EPB41L4B: variants seen among roughly 807,000 people sequenced by gnomAD.
The protein encoded by EPB41L4B is band 4.1-like protein 4B.
A neutral mutation model predicts 112.5 loss-of-function variants in EPB41L4B; 30 were observed. The observed-to-expected ratio is 0.27, with a 90% confidence interval of 0.20 to 0.36. The LOEUF (loss-of-function observed/expected upper bound fraction) is 0.36, where lower values mean the gene tolerates loss of function less well. Among genes scored for constraint, EPB41L4B ranks in the 10% least tolerant of loss-of-function variants. EPB41L4B has a pLI of 1.00. For missense variants in EPB41L4B, 1,024 were observed against 1,133.3 expected (o/e 0.90, Z 1.38); for synonymous variants, 408 against 439.7 (o/e 0.93, Z 0.90).
intron 15 of EPB41L4B, chr9:109,240,027 C>T (rs1295814846): frequency 2.0e-6 from 2 of 985,228 alleles, no homozygotes; most frequent in Non-Finnish European, 2.4e-6. Flanking sequence ...TGATCTTGCT[C>T]CACCCACCTA....
chr9:109,187,898 G>A (rs1448001339), intron 22 of EPB41L4B, among the ~76,000 whole-genome samples: 2 of 152,188 alleles, frequency 1.3e-5, no homozygotes, highest in Non-Finnish European at 2.9e-5. Flanking sequence ...ATATACATCT[G>A]ATTGGATTGA....
intron 18 of EPB41L4B, among the ~76,000 whole-genome samples, chr9:109,205,427 G>T (rs1287358153): frequency 6.6e-6 from 1 of 152,152 alleles, no homozygotes; most frequent in East Asian, 1.9e-4. Context: ...CTGCAGCATG[G>T]GGTTATTGGG....
intron 17 of EPB41L4B, among the ~76,000 whole-genome samples, chr9:109,213,183 C>A (rs1485463524): frequency 2.0e-5 from 3 of 152,196 alleles, no homozygotes; most frequent in Non-Finnish European, 2.9e-5. Context: ...CTGAATCCAG[C>A]AGTGGTATGT....
At chr9:109,246,913 G>A (rs930315966) in intron 14 of EPB41L4B, among the ~76,000 whole-genome samples, 1 of 152,202 alleles carries the variant, frequency 6.6e-6, no homozygotes, top group African/African-American at 2.4e-5. Context: ...GTATCTATTC[G>A]TGTTAATGAG....
intron 22 of EPB41L4B, among the ~76,000 whole-genome samples, chr9:109,188,670 A>T (rs1195529027): frequency 6.6e-6 from 1 of 152,178 alleles, no homozygotes; most frequent in Non-Finnish European, 1.5e-5. Flanking sequence ...ATTGCACCAG[A>T]TGGAAACTCC....
chr9:109,211,911 G>GGGGC (rs1554746770), intron 17 of EPB41L4B, among the ~76,000 whole-genome samples: 1 of 150,134 alleles, frequency 6.7e-6, no homozygotes, highest in Non-Finnish European at 1.5e-5. Context: ...AGATGGGGGG[G>GGGGC]GTCTCGCCAT....
chr9:109,219,371 CT>C (rs934733901), intron 15 of EPB41L4B, among the ~76,000 whole-genome samples: 1 of 152,066 alleles, frequency 6.6e-6, no homozygotes. Context: ...ATTTTCTTTC[CT>C]TTTTTTGAGA....
chr9:109,179,257 C>T (rs1369582249), intron 24 of EPB41L4B, among the ~76,000 whole-genome samples: 1 of 152,206 alleles, frequency 6.6e-6, no homozygotes, highest in Non-Finnish European at 1.5e-5. Flanking sequence ...AAACCCAGCT[C>T]CATCAATGCT....
At chr9:109,268,344 A>G (rs1047463461) in intron 3 of EPB41L4B, 47 bp downstream of exon 3, 24 of 1,552,388 alleles carry the variant, frequency 1.5e-5, no homozygotes, top group Non-Finnish European at 1.9e-5. Context: ...AAAGGAGTTT[A>G]CTCTCAGAAA....
At position 109,306,174 on chromosome 9, in the gene EPB41L4B, G is replaced by A. The variant is rs745676776; in HGVS notation, c.306+13967C>T. On this transcript the variant is annotated intron_variant, in intron 1 of 25. Coordinates refer to ENST00000374566, the MANE Select transcript of EPB41L4B (RefSeq NM_019114.5). ...AAATTAGAACACCCAAAATTCTCTC[G>A]AGTAAATGCTATAAGGATTAAATGA... Among the ~76,000 whole-genome samples, 81 of 152,150 alleles carry A rather than the reference G, an allele frequency of 5.3e-4. 1 individual carries two copies. The highest frequency in any genetic ancestry group is 9.0e-4 in the Non-Finnish European group (61 of 68,036).
chr9:109,194,263 G>T lies in EPB41L4B; in HGVS notation c.2180C>A (p.Pro727His), dbSNP rs774746564. The T allele has an allele frequency of 6.2e-7, 1 of 1,614,210 alleles. No homozygotes were observed. The highest frequency in any genetic ancestry group is 1.3e-5 in the African/African-American group (1 of 75,052). Reference sequence around the variant, plus strand: ...CAGGCCTTTGCCTTCTGACTTGTGAGGCGAGCTGACATTCTGGACCTTGGG... The same window carrying T: ...CAGGCCTTTGCCTTCTGACTTGTGATGCGAGCTGACATTCTGGACCTTGGG... ...PSPKVQNVSS[P>H]HKSEGKGLLS... The change falls in exon 21 of 26, where the codon CCT (proline) becomes CAT (histidine). Residue 727 changes from proline to histidine, a missense_variant. Coordinates refer to ENST00000374566, the MANE Select transcript of EPB41L4B (RefSeq NM_019114.5).
intron 1 of EPB41L4B, among the ~76,000 whole-genome samples, chr9:109,286,881 A>G (rs1476894978): frequency 6.6e-6 from 1 of 152,194 alleles, no homozygotes; most frequent in East Asian, 1.9e-4. Flanking sequence ...ATAATGCTCC[A>G]TCTCCTTCCA....
At chr9:109,223,196 T>C (rs1035561481) in intron 15 of EPB41L4B, among the ~76,000 whole-genome samples, 2 of 152,018 alleles carry the variant, frequency 1.3e-5, no homozygotes, top group Admixed American at 6.6e-5. Context: ...TTCCAGCATT[T>C]TGGGAGGCCA....
At chr9:109,207,231 C>T (rs556078918) in intron 18 of EPB41L4B, among the ~76,000 whole-genome samples, 1 of 152,106 alleles carries the variant, frequency 6.6e-6, no homozygotes, top group Non-Finnish European at 1.5e-5. Flanking sequence ...ACCTCTGGTA[C>T]CTTAGAGTTG....
chr9:109,309,032 C>T (rs1013267151), intron 1 of EPB41L4B, among the ~76,000 whole-genome samples: 11 of 152,084 alleles, frequency 7.2e-5, no homozygotes, highest in Admixed American at 2.6e-4. Flanking sequence ...ACCAAGATCA[C>T]GCACTGCACT....
chr9:109,225,425 C>T (rs1454363900), intron 15 of EPB41L4B, among the ~76,000 whole-genome samples: 1 of 152,114 alleles, frequency 6.6e-6, no homozygotes, highest in Admixed American at 6.5e-5. Context: ...CTGGAGAGGC[C>T]TCATAATCAT....
intron 23 of EPB41L4B, among the ~76,000 whole-genome samples, chr9:109,183,870 G>A (rs1283224321): frequency 6.6e-6 from 1 of 152,216 alleles, no homozygotes; most frequent in Admixed American, 6.5e-5. Flanking sequence ...GGATGAGTAA[G>A]AACACATTAG....
At chr9:109,297,305 C>T (rs977463656) in intron 1 of EPB41L4B, among the ~76,000 whole-genome samples, 18 of 152,104 alleles carry the variant, frequency 1.2e-4, no homozygotes, top group Non-Finnish European at 2.4e-4. Flanking sequence ...AAATAAATTG[C>T]TTGCTGTTGT....
intron 14 of EPB41L4B, among the ~76,000 whole-genome samples, chr9:109,247,188 TTTTTA>T (rs939913482): frequency 1.3e-5 from 2 of 151,864 alleles, no homozygotes; most frequent in African/African-American, 4.8e-5. Context: ...TTTTTTTTTT[TTTTTA>T]ATCAGGGGCG....
Sources: allele counts gnomAD v4.1 joint callset (sites outside exome capture counted in the v4.1 genomes callset), GRCh38; gene constraint gnomAD v4.1.1; transcripts MANE v1.5; gene names NCBI Gene and HGNC (gene_info 2026-07-23, HGNC 2026-07-21).